Variants in TCF7L2 observed in about 807,000 individuals in gnomAD.
TCF7L2 encodes the protein transcription factor 7 like 2.
TCF7L2 carries 23 observed loss-of-function variants against 77.9 expected under a neutral mutation model. That is an observed-to-expected ratio of 0.30 (90% CI 0.21 to 0.42). The LOEUF (loss-of-function observed/expected upper bound fraction) is 0.42. TCF7L2 is among the 10% of genes least tolerant of loss of function. TCF7L2 has a pLI of 1.00. For synonymous variants in TCF7L2, 413 were observed against 340.2 expected (o/e 1.21, Z -2.36); for missense variants, 654 against 793.1 (o/e 0.82, Z 2.11).
intron 5 of TCF7L2, among the ~76,000 whole-genome samples, chr10:113,046,107 T>C (rs2053403614): frequency 6.6e-6 from 1 of 152,170 alleles, no homozygotes; most frequent in Non-Finnish European, 1.5e-5. Flanking sequence ...ATGTCAGATG[T>C]CCAAAGCTTC....
chr10:113,070,464 A>G (rs1185920473), intron 5 of TCF7L2, among the ~76,000 whole-genome samples: 3 of 152,000 alleles, frequency 2.0e-5, no homozygotes, highest in Non-Finnish European at 4.4e-5. Flanking sequence ...AACAGATCCT[A>G]GCTGCTTGCT....
At chr10:113,039,250 A>G (rs1216824876) in intron 4 of TCF7L2, among the ~76,000 whole-genome samples, 3 of 152,210 alleles carry the variant, frequency 2.0e-5, no homozygotes, top group Admixed American at 6.5e-5. Flanking sequence ...CTGAAAGCTA[A>G]TTGATCGCTT....
chr10:113,039,998 C>T (rs1166870763), intron 4 of TCF7L2, 27 bp from the exon 5 acceptor site: 1 of 1,599,704 alleles, frequency 6.3e-7, no homozygotes, highest in South Asian at 1.1e-5. Flanking sequence ...CATTGTTTTT[C>T]ATTTCACTTT....
At chr10:113,062,609 G>T (rs1370174958) in intron 5 of TCF7L2, among the ~76,000 whole-genome samples, 2 of 152,018 alleles carry the variant, frequency 1.3e-5, no homozygotes, top group Non-Finnish European at 2.9e-5. Flanking sequence ...GGTGGCAGGT[G>T]AGAATATAAA....
At chr10:113,155,542 A>G (rs1291321240) in intron 11 of TCF7L2, among the ~76,000 whole-genome samples, 1 of 152,232 alleles carries the variant, frequency 6.6e-6, no homozygotes, top group African/African-American at 2.4e-5. Flanking sequence ...CTTCTTCAGT[A>G]GTCAACATCT....
At chr10:113,158,908 CTTTGT>C (rs2072534715) in intron 12 of TCF7L2, among the ~76,000 whole-genome samples, 191 bp downstream of exon 13, 1 of 140,678 alleles carries the variant, frequency 7.1e-6, no homozygotes, top group Non-Finnish European at 1.5e-5. Flanking sequence ...TTAATTTAAC[CTTTGT>C]TTTGTTTATT....
chr10:113,136,787 G>A (rs2067472458), intron 5 of TCF7L2, among the ~76,000 whole-genome samples: 1 of 152,192 alleles, frequency 6.6e-6, no homozygotes, highest in Non-Finnish European at 1.5e-5. Context: ...TACATTTCTG[G>A]AAGGTTGTCT....
At chr10:113,090,054 G>A (rs180743718) in intron 5 of TCF7L2, among the ~76,000 whole-genome samples, 5 of 152,230 alleles carry the variant, frequency 3.3e-5, no homozygotes, top group African/African-American at 9.6e-5. Flanking sequence ...GGCTTTACTC[G>A]CAGATGTTGC....
chr10:113,116,724 A>G (rs978543342), intron 5 of TCF7L2, among the ~76,000 whole-genome samples: 1 of 151,828 alleles, frequency 6.6e-6, no homozygotes, highest in African/African-American at 2.4e-5. Flanking sequence ...TCCTTATAAA[A>G]TAGATCCATA....
At chr10:113,133,107 G>T (rs2066863140) in intron 5 of TCF7L2, 1 of 152,140 alleles carries the variant, frequency 6.6e-6, no homozygotes, top group African/African-American at 2.4e-5. Context: ...AGAATGAGGG[G>T]AAATAAATTA....
At chr10:112,978,812 T>G (rs2039941443) in intron 4 of TCF7L2, among the ~76,000 whole-genome samples, 1 of 151,866 alleles carries the variant, frequency 6.6e-6, no homozygotes, top group African/African-American at 2.4e-5. Context: ...AATATATGAT[T>G]CCACTTCTTT....
rs1564718859 is a variant in TCF7L2 at position 112,964,742 on chromosome 10, G to GTGGTGGTGGTGA, written c.450+129_450+130insATGGTGGTGGTG. 7 of 696,140 alleles carry GTGGTGGTGGTGA rather than the reference G, an allele frequency of 1.0e-5. No individual in the cohort carries two copies. The East Asian group carries it at 1.5e-4, about 15-fold the overall frequency. 43.1% of individuals were successfully genotyped at this position (696,140 alleles called of 1,614,324 possible). On this transcript the variant is annotated intron_variant, in intron 4 of 13. Coordinates refer to ENST00000627217, the MANE Select transcript of TCF7L2 (RefSeq NM_001146274.2). ...GATGATGATGATGATGATGATGATG[G>GTGGTGGTGGTGA]TGGTGGTGGTGGTGGTGATGGTGGT... is the stretch of plus-strand genomic sequence containing the variant.
Position 113,166,784 on chromosome 10 carries a change from A to G in TCF7L2, c.*812A>G, listed in dbSNP as rs2074060319. The G allele has an allele frequency of 4.4e-6, 1 of 228,180 alleles. No individual in the cohort carries two copies. The highest frequency in any genetic ancestry group is 1.8e-4 in the South Asian group (1 of 5,476). 14.1% of individuals were successfully genotyped at this position (228,180 alleles called of 1,614,324 possible). ...TTGTACAAGGTTTTTAAGTTTATAT[A>G]TAAAATGTGTATATATATTTTTGTT... On this transcript the variant is annotated 3_prime_UTR_variant, in exon 14 of 14. Coordinates refer to ENST00000627217, the MANE Select transcript of TCF7L2 (RefSeq NM_001146274.2).
At chr10:113,045,262 G>T (rs2053226707) in intron 5 of TCF7L2, among the ~76,000 whole-genome samples, 1 of 152,146 alleles carries the variant, frequency 6.6e-6, no homozygotes, top group African/African-American at 2.4e-5. Flanking sequence ...CCTATGCGAG[G>T]CTTGTTCCAG....
At chr10:112,992,831 T>G (rs1314146140) in intron 4 of TCF7L2, among the ~76,000 whole-genome samples, 1 of 151,836 alleles carries the variant, frequency 6.6e-6, no homozygotes, top group Non-Finnish European at 1.5e-5. Flanking sequence ...TGGCACGATC[T>G]CGGCTCACTG....
intron 5 of TCF7L2, among the ~76,000 whole-genome samples, chr10:113,079,733 C>G (rs933276973): frequency 1.3e-5 from 2 of 152,142 alleles, no homozygotes; most frequent in Non-Finnish European, 2.9e-5. Context: ...TCTCGGCTCA[C>G]TGCAACCTCT....
intron 5 of TCF7L2, among the ~76,000 whole-genome samples, chr10:113,127,811 A>T (rs952652969): frequency 8.1e-4 from 111 of 136,788 alleles, no homozygotes; most frequent in African/African-American, 3.0e-3. Context: ...ATTTCCCTTT[A>T]CTTTTTAAGG....
intron 4 of TCF7L2, among the ~76,000 whole-genome samples, chr10:113,022,508 C>G (rs927271322): frequency 5.3e-5 from 8 of 152,100 alleles, no homozygotes; most frequent in Admixed American, 5.2e-4. Context: ...AGGGGCCAGG[C>G]TGGTTAACTA....
chr10:113,137,564 G>A (rs906125992), intron 5 of TCF7L2, among the ~76,000 whole-genome samples: 6 of 152,192 alleles, frequency 3.9e-5, no homozygotes, highest in African/African-American at 1.4e-4. Flanking sequence ...TGCAATGCCA[G>A]TTGCCCCTAA....
Sources: gnomAD v4.1 joint callset for allele counts (sites outside exome capture counted in the v4.1 genomes callset) on GRCh38, gnomAD v4.1.1 for gene constraint, MANE v1.5 for transcripts, NCBI Gene and HGNC (gene_info 2026-07-23, HGNC 2026-07-21) for gene names.